The following BCCIP variants were observed in gnomAD, a reference collection of about 807,000 sequenced individuals.
BCCIP encodes BRCA2 and CDKN1A-interacting protein.
BCCIP carries 23 observed loss-of-function variants against 32.8 expected under a neutral mutation model. That is an observed-to-expected ratio of 0.70 (90% CI 0.51 to 0.99). The LOEUF is 0.99. Among genes scored for constraint, BCCIP ranks in the 50% least tolerant of loss-of-function variants. BCCIP has a pLI of 0.00. For missense variants in BCCIP, 378 were observed against 379.8 expected, an observed-to-expected ratio of 1.00 and a Z score of 0.04; for synonymous variants, 144 against 137.6, an observed-to-expected ratio of 1.05 and a Z score of -0.33.
At chr10:125,831,312 A>T (rs1854515556) in intron 4 of BCCIP, 108 bp from the exon 5 acceptor site, 1 of 1,076,324 alleles carries the variant, frequency 9.3e-7, no homozygotes, top group East Asian at 2.4e-5. Flanking sequence ...AGGCTATGGC[A>T]GGAAACTGCC....
chr10:125,828,332 C>T (rs960653222), intron 3 of BCCIP, among the ~76,000 whole-genome samples: 8 of 151,982 alleles, frequency 5.3e-5, no homozygotes, highest in Non-Finnish European at 7.4e-5. Context: ...TGTGAGATAC[C>T]GGGTAGCAGG....
Position 125,853,304 on chromosome 10 carries a change from A to G in BCCIP, c.*61A>G, listed in dbSNP as rs573918226. ...GGAGGGATAAAACATCTCGGCACCT[A>G]GTAATGGTAAATTAGTCAATATTTG... On this transcript the variant is annotated 3_prime_UTR_variant, in exon 8 of 8. Coordinates refer to the BCCIP transcript ENST00000368759. 6.3e-6 allele frequency: 6 copies of G among 949,920 alleles called. No individual in the cohort carries two copies. The East Asian group carries it at 1.4e-4, about 23-fold the overall frequency. 58.8% of individuals were successfully genotyped at this position (949,920 alleles called of 1,614,324 possible).
intron 7 of BCCIP, among the ~76,000 whole-genome samples, chr10:125,851,056 G>C (rs1299426723): frequency 6.6e-6 from 1 of 152,192 alleles, no homozygotes; most frequent in Non-Finnish European, 1.5e-5. Context: ...TTTAAAAAGA[G>C]GTCCAGATCA....
At position 125,836,121 on chromosome 10, in the gene BCCIP, C is replaced by A. The variant is rs780065300; in HGVS notation, c.792C>A (p.Phe264Leu). The change falls in exon 7 of 7, where the codon TTC becomes TTA. Residue 264 changes from phenylalanine (F) to leucine (L), a missense_variant. Coordinates refer to ENST00000278100, the MANE Select transcript of BCCIP (RefSeq NM_078468.3). ...EFFYEKAILK[F>L]NYSVQEESDT... ...TGGTTTAGAAGGCAATTCTCAAGTT[C>A]AACTACTCAGTGCAGGAGGAGAGCG... 1.9e-6 allele frequency: 3 copies of A among 1,613,050 alleles called. No homozygotes were observed. The highest frequency in any genetic ancestry group is 1.1e-5 in the South Asian group (1 of 90,942).
chr10:125,835,328 C>T (rs1854641735), intron 6 of BCCIP, among the ~76,000 whole-genome samples: 2 of 152,040 alleles, frequency 1.3e-5, no homozygotes, highest in African/African-American at 2.4e-5. Context: ...TGCCTGTAAT[C>T]CCAGCACTTT....
chr10:125,829,525 C>G (rs1854476634), intron 3 of BCCIP, among the ~76,000 whole-genome samples: 1 of 152,240 alleles, frequency 6.6e-6, no homozygotes, highest in Non-Finnish European at 1.5e-5. Flanking sequence ...ACACTCTTAT[C>G]TGACTTTTAC....
chr10:125,836,776 C>T (rs531809485), downstream of BCCIP: 4 of 1,614,084 alleles, frequency 2.5e-6, no homozygotes, highest in African/African-American at 1.3e-5. Flanking sequence ...GATAGGTGAT[C>T]CACTACTTGC....
chr10:125,845,230 G>A (rs977342314), downstream of BCCIP, among the ~76,000 whole-genome samples: 4 of 152,082 alleles, frequency 2.6e-5, no homozygotes, highest in South Asian at 2.1e-4. Context: ...AGGAAGCCTC[G>A]GTTGGCTCCC....
chr10:125,826,225 C>G lies in BCCIP; in HGVS notation c.166-366C>G, dbSNP rs374246240. 7.9e-4 allele frequency: 198 copies of G among 251,490 alleles called. 1 individual carries two copies. The South Asian group carries it at 8.8e-3, about 11-fold the overall frequency. 15.6% of individuals were successfully genotyped at this position (251,490 alleles called of 1,614,324 possible). ...GAGTGCCTGGCACAGTGCTTGGTAC[C>G]TGGATTGATACTTAATAAATATTTG... On this transcript the variant is annotated intron_variant, in intron 1 of 6. Coordinates refer to ENST00000278100, the MANE Select transcript of BCCIP (RefSeq NM_078468.3).
intron 7 of BCCIP, chr10:125,852,662 A>G (rs896857974): frequency 7.6e-6 from 12 of 1,587,336 alleles, no homozygotes; most frequent in African/African-American, 1.4e-5. Context: ...GAAAGACAGC[A>G]TCATTAGCGT....
rs1564818161 is a variant in BCCIP, at chr10:125,830,543, AT to A, written c.322-13del. ...ATTATACTAAATATAACATTTAAATATTTTTTCTTTTAAAATAGCAAACGGA... is the reference window on the plus strand; with the variant it reads ...ATTATACTAAATATAACATTTAAATATTTTTCTTTTAAAATAGCAAACGGA... On this transcript the variant is annotated intron_variant, in intron 3 of 6. Transcript: ENST00000278100. The A allele has an allele frequency of 6.0e-6, 9 of 1,495,672 alleles. No individual in the cohort carries two copies. The highest frequency in any genetic ancestry group is 8.3e-6 in the Non-Finnish European group (9 of 1,086,382). The allele number at this position is 1,495,672 out of a possible 1,614,324, so 92.7% of individuals were successfully genotyped here. A position where few individuals can be genotyped will look rare whatever the true frequency, so the allele number is the denominator to read the frequency against.
At chr10:125,827,458 A>T in intron 2 of BCCIP, 100 bp from the exon 3 acceptor site, 2 of 789,036 alleles carry the variant, frequency 2.5e-6, no homozygotes, top group Non-Finnish European at 3.9e-6. Context: ...TCATCATCTT[A>T]AGTCACAGAA....
At chr10:125,841,276 C>T (rs1218765406), downstream of BCCIP, 7 of 1,614,108 alleles carry the variant, frequency 4.3e-6, no homozygotes, top group Non-Finnish European at 5.9e-6. Context: ...ACCTGAGGTG[C>T]TTGGAGGTCC....
At chr10:125,826,522 G>GCCC (rs1380810010) in intron 1 of BCCIP, 69 bp from the exon 2 acceptor site, 31 of 1,593,842 alleles carry the variant, frequency 1.9e-5, no homozygotes, top group Non-Finnish European at 2.6e-5. Context: ...TCTTGGCAAT[G>GCCC]TTTGCCTGTT....
chr10:125,838,931 T>C (rs1028010690), downstream of BCCIP: 3 of 1,458,466 alleles, frequency 2.1e-6, no homozygotes, highest in African/African-American at 4.3e-5. Context: ...CCTAAGCCAT[T>C]GTTGGCAGCA....
Position 125,836,434 on chromosome 10 carries a change from T to C in BCCIP, c.*160T>C. On this transcript the variant is annotated 3_prime_UTR_variant, in exon 7 of 7. Coordinates refer to ENST00000278100, the MANE Select transcript of BCCIP (RefSeq NM_078468.3). ...TGACACATTTACAAAATACCAGTTTTTTAAAATTTTGGTCAAATTATGAGT... is the reference window on the plus strand; with the variant it reads ...TGACACATTTACAAAATACCAGTTTCTTAAAATTTTGGTCAAATTATGAGT... 5 of 1,438,264 alleles carry C rather than the reference T, an allele frequency of 3.5e-6. No individual in the cohort carries two copies. The highest frequency in any genetic ancestry group is 4.5e-6 in the Non-Finnish European group (5 of 1,102,640). The allele number at this position is 1,438,264 out of a possible 1,614,324, so 89.1% of individuals were successfully genotyped here.
Position 125,836,499 on chromosome 10 carries a change from G to T in BCCIP, c.*225G>T, listed in dbSNP as rs1854689694. 7.3e-7 allele frequency: 1 copy of T among 1,372,424 alleles called. No homozygotes were observed. The highest frequency in any genetic ancestry group is 1.7e-5 in the South Asian group (1 of 57,342). The allele number at this position is 1,372,424 out of a possible 1,614,324, so 85.0% of individuals were successfully genotyped here. ...CTTTTCCAAGAAGAAGAAAAGCATG[G>T]AGTAGTAATTTAAAGAACTCAATAA... On this transcript the variant is annotated 3_prime_UTR_variant, in exon 7 of 7. Coordinates refer to ENST00000278100, the MANE Select transcript of BCCIP (RefSeq NM_078468.3).
chr10:125,853,415 CTAATTTT>C (rs1449624768), exon 8 of BCCIP: 2 of 366,400 alleles, frequency 5.5e-6, no homozygotes, highest in African/African-American at 4.2e-5. Context: ...TTCATTTTTT[CTAATTTT>C]TAATTTAAAA....
intron 1 of BCCIP, 97 bp downstream of exon 1, chr10:125,823,819 T>G (rs752048055): frequency 2.8e-4 from 411 of 1,490,930 alleles, no homozygotes; most frequent in Admixed American, 5.6e-4. Context: ...TCCCTGACCC[T>G]GAGGGTCTGT....
Sources: allele counts gnomAD v4.1 joint callset (sites outside exome capture counted in the v4.1 genomes callset), GRCh38; gene constraint gnomAD v4.1.1; transcripts MANE v1.5; gene names NCBI Gene and HGNC (gene_info 2026-07-23, HGNC 2026-07-21).